Variants in CPED1 observed in about 807,000 individuals in gnomAD.
The protein encoded by CPED1 is cadherin-like and PC-esterase domain-containing protein 1.
Under a neutral mutation model 128.2 loss-of-function variants are expected in CPED1, and 114 were observed. That is an observed-to-expected ratio of 0.89 (90% CI 0.76 to 1.04). CPED1 has a LOEUF of 1.04. CPED1 is among the 50% of genes least tolerant of loss of function. The pLI, the probability that CPED1 is intolerant of heterozygous loss-of-function variation, is 0.00. For missense variants in CPED1, 1,211 were observed against 1,207.1 expected (o/e 1.00, Z -0.05); for synonymous variants, 462 against 426.7 (o/e 1.08, Z -1.02).
intron 5 of CPED1, among the ~76,000 whole-genome samples, chr7:121,093,447 C>T (rs1180915159): frequency 7.5e-6 from 1 of 133,072 alleles, no homozygotes; most frequent in African/African-American, 2.9e-5. Flanking sequence ...TTTGTTTCTC[C>T]AGGACTTGTG....
chr7:121,161,584 C>G (rs1287198796), intron 16 of CPED1, among the ~76,000 whole-genome samples: 2 of 152,146 alleles, frequency 1.3e-5, no homozygotes, highest in Admixed American at 6.5e-5. Flanking sequence ...TTAGTGTTTG[C>G]TTGAATAACT....
intron 2 of CPED1, among the ~76,000 whole-genome samples, chr7:121,013,483 C>T (rs1792214274): frequency 6.6e-6 from 1 of 152,186 alleles, no homozygotes; most frequent in Non-Finnish European, 1.5e-5. Context: ...AGGCAGAGCA[C>T]AAACTCACAA....
intron 3 of CPED1, among the ~76,000 whole-genome samples, chr7:121,032,457 C>G (rs1443091405): frequency 6.8e-6 from 1 of 146,764 alleles, no homozygotes; most frequent in Non-Finnish European, 1.5e-5. Flanking sequence ...CTAAACACTG[C>G]GTGTCTCATA....
rs977208547 is a variant in CPED1 at position 121,033,431 on chromosome 7, C to T, written c.434-13456C>T. 5.9e-5 allele frequency among the ~76,000 whole-genome samples: 9 copies of T among 152,316 alleles called. No homozygotes were observed. In the East Asian group the frequency reaches 1.5e-3, roughly 26 times the overall value. ...GGATTTATCTGCCTGTATCTACCTA[C>T]CACCTACCTAGCTATTCACTAAATA... On this transcript the variant is annotated intron_variant, in intron 3 of 22. Transcript: ENST00000310396.
chr7:121,105,078 T>C (rs1232360180), intron 7 of CPED1, among the ~76,000 whole-genome samples: 1 of 152,084 alleles, frequency 6.6e-6, no homozygotes, highest in African/African-American at 2.4e-5. Flanking sequence ...GGGACCATTC[T>C]TCCATCTCCA....
At chr7:121,100,151 G>A (rs1482256236) in intron 7 of CPED1, 57 bp downstream of exon 7, 1 of 1,500,824 alleles carries the variant, frequency 6.7e-7, no homozygotes, top group Non-Finnish European at 9.2e-7. Flanking sequence ...AAAGTAAAGT[G>A]AGTTGGGCTG....
chr7:121,256,129 C>CAAAAAAAAAAAAAAAAAAAAAAAA, intron 18 of CPED1, among the ~76,000 whole-genome samples: 1 of 101,242 alleles, frequency 9.9e-6, no homozygotes, highest in African/African-American at 4.4e-5. Context: ...AAAAACAAAA[C>CAAAAAAAAAAAAAAAAAAAAAAAA]AAAAAAAAAA....
chr7:121,272,384 C>CTT (rs111802460), intron 22 of CPED1, among the ~76,000 whole-genome samples: 8 of 149,168 alleles, frequency 5.4e-5, no homozygotes, highest in African/African-American at 2.0e-4. Flanking sequence ...CATGCTACTT[C>CTT]TTTTTTTTTT....
At chr7:121,223,356 T>G (rs1031347014) in intron 16 of CPED1, among the ~76,000 whole-genome samples, 2 of 152,204 alleles carry the variant, frequency 1.3e-5, no homozygotes, top group African/African-American at 4.8e-5. Context: ...GGATTTGGTT[T>G]GCCAGTATTT....
intron 5 of CPED1, among the ~76,000 whole-genome samples, chr7:121,086,745 C>T (rs1337815410): frequency 1.3e-5 from 2 of 152,218 alleles, no homozygotes; most frequent in African/African-American, 4.8e-5. Context: ...TTTTGAAGCA[C>T]AGTGCTGAAA....
At chr7:121,072,576 T>G (rs553940077) in intron 5 of CPED1, among the ~76,000 whole-genome samples, 1 of 152,128 alleles carries the variant, frequency 6.6e-6, no homozygotes, top group African/African-American at 2.4e-5. Flanking sequence ...GCCAGCAGAA[T>G]GTGCTGATGG....
chr7:121,266,714 C>T lies in CPED1; in HGVS notation c.2539C>T (p.Pro847Ser). 2 of 1,611,986 alleles carry T rather than the reference C, an allele frequency of 1.2e-6. No individual in the cohort carries two copies. Among genetic ancestry groups the T allele is most frequent in the Non-Finnish European group, 8.5e-7 (1 of 1,178,432 alleles). ...TTTCTTTCTGAATTTCAGATCACGT[C>T]CCCTAGAGAATACTGGCCAGACTGT... Reference protein sequence around the residue: ...ALEHLLQRSRPLENTGQTVLV... With the variant: ...ALEHLLQRSRSLENTGQTVLV... Residue 847 changes from proline to serine, a missense_variant, in exon 20 of 23, where the codon CCC (proline) becomes TCC (serine). Transcript: ENST00000310396.
At chr7:121,060,126 G>A (rs529786411) in intron 4 of CPED1, among the ~76,000 whole-genome samples, 4 of 152,328 alleles carry the variant, frequency 2.6e-5, no homozygotes, top group African/African-American at 9.6e-5. Flanking sequence ...CAGCGGCTGC[G>A]GAGGGTGTGC....
intron 16 of CPED1, among the ~76,000 whole-genome samples, chr7:121,154,514 TTTTTATTTTTTA>T (rs1349418583): frequency 6.6e-6 from 1 of 151,556 alleles, no homozygotes; most frequent in African/African-American, 2.4e-5. Flanking sequence ...TATGTTGAAT[TTTTTATTTTTTA>T]TTTTATTTTT....
chr7:121,147,773 C>A (rs2116389713), intron 16 of CPED1, among the ~76,000 whole-genome samples: 1 of 152,196 alleles, frequency 6.6e-6, no homozygotes, highest in African/African-American at 2.4e-5. Flanking sequence ...CATTTTAAAA[C>A]AGATAATACT....
intron 5 of CPED1, among the ~76,000 whole-genome samples, chr7:121,089,250 C>A (rs1194072142): frequency 6.6e-6 from 1 of 152,190 alleles, no homozygotes; most frequent in Non-Finnish European, 1.5e-5. Context: ...TGGCCATTGG[C>A]TCTTGCCTCT....
chr7:121,055,790 G>GTT (rs1793482534), intron 4 of CPED1, among the ~76,000 whole-genome samples: 1 of 151,806 alleles, frequency 6.6e-6, no homozygotes, highest in Admixed American at 6.6e-5. Flanking sequence ...TTATAGAGAT[G>GTT]TTTTGGAAAC....
intron 10 of CPED1, among the ~76,000 whole-genome samples, chr7:121,127,481 G>A (rs941042628): frequency 6.6e-6 from 1 of 151,432 alleles, no homozygotes; most frequent in South Asian, 2.1e-4. Flanking sequence ...TGAAAATTAA[G>A]TATAGTGTTC....
intron 16 of CPED1, among the ~76,000 whole-genome samples, chr7:121,148,572 TTGAGGAAGAA>T (rs1796079624): frequency 6.6e-6 from 1 of 152,156 alleles, no homozygotes; most frequent in African/African-American, 2.4e-5. Flanking sequence ...TGACTTCAAA[TTGAGGAAGAA>T]AGAGAACAAC....
Sources: gnomAD v4.1 joint callset for allele counts (sites outside exome capture counted in the v4.1 genomes callset) on GRCh38, gnomAD v4.1.1 for gene constraint, MANE v1.5 for transcripts, NCBI Gene and HGNC (gene_info 2026-07-23, HGNC 2026-07-21) for gene names.